GLI3: variants seen among roughly 807,000 people sequenced by gnomAD.
GLI3 encodes the protein GLI family zinc finger 3, also known as transcription activator GLI3.
GLI3 carries 20 observed loss-of-function variants against 100.8 expected under a neutral mutation model. The ratio of observed to expected loss-of-function variants is 0.20; its 90% CI spans 0.14 to 0.29. The LOEUF (loss-of-function observed/expected upper bound fraction) is 0.29, where lower values mean the gene tolerates loss of function less well. GLI3 is among the 10% of genes least tolerant of loss of function. The probability of loss-of-function intolerance (pLI) is 1.00; values close to 1 mark genes in which losing one functional copy is unlikely to be tolerated. For missense variants in GLI3, 2,040 were observed against 2,128.5 expected (o/e 0.96, Z 0.82); for synonymous variants, 938 against 860.5 (o/e 1.09, Z -1.58).
chr7:42,236,270 A>T (rs1327405456), intron 1 of GLI3, among the ~76,000 whole-genome samples: 1 of 152,118 alleles, frequency 6.6e-6, no homozygotes, highest in Non-Finnish European at 1.5e-5. Context: ...CTCTGTGTAA[A>T]CGCGGCACCT....
At chr7:42,029,994 T>C (rs930754900) in intron 7 of GLI3, among the ~76,000 whole-genome samples, 27 of 152,194 alleles carry the variant, frequency 1.8e-4, no homozygotes, top group Non-Finnish European at 4.4e-5. Context: ...TAGTTCCCTG[T>C]TGCTGCTGCA....
intron 1 of GLI3, among the ~76,000 whole-genome samples, chr7:42,228,748 A>G (rs1044626817): frequency 2.0e-5 from 3 of 152,156 alleles, no homozygotes; most frequent in African/African-American, 7.2e-5. Flanking sequence ...CGTCGAATTC[A>G]CCTTCTATGA....
At chr7:42,174,521 G>A (rs1029704753) in intron 2 of GLI3, among the ~76,000 whole-genome samples, 12 of 152,130 alleles carry the variant, frequency 7.9e-5, no homozygotes, top group African/African-American at 2.7e-4. Flanking sequence ...TAAAAGCTCC[G>A]TGTTGTTAAC....
chr7:42,096,953 C>G (rs977855744), intron 3 of GLI3, among the ~76,000 whole-genome samples: 1 of 152,220 alleles, frequency 6.6e-6, no homozygotes, highest in Admixed American at 6.5e-5. Context: ...GCTGCGGTTG[C>G]TCTGCGGCCA....
At chr7:42,161,992 G>A (rs1333114643) in intron 2 of GLI3, among the ~76,000 whole-genome samples, 1 of 152,176 alleles carries the variant, frequency 6.6e-6, no homozygotes, top group African/African-American at 2.4e-5. Flanking sequence ...CAAGGGCTCC[G>A]TGTGTCCCAG....
intron 2 of GLI3, among the ~76,000 whole-genome samples, chr7:42,217,422 T>C (rs1788399879): frequency 6.6e-6 from 1 of 152,150 alleles, no homozygotes. Flanking sequence ...AGTTAGTTGG[T>C]TTAGAAACAT....
intron 10 of GLI3, among the ~76,000 whole-genome samples, chr7:41,996,421 C>G (rs535421324): frequency 6.6e-6 from 1 of 152,274 alleles, no homozygotes; most frequent in Admixed American, 6.5e-5. Flanking sequence ...ATGCTCAACA[C>G]AGAGAATTCC....
chr7:42,089,914 G>T (rs1785181848), intron 3 of GLI3, among the ~76,000 whole-genome samples: 1 of 152,112 alleles, frequency 6.6e-6, no homozygotes, highest in African/African-American at 2.4e-5. Flanking sequence ...AGATGATTGT[G>T]TCATTGTGTG....
chr7:42,181,817 G>A (rs1780677872), intron 2 of GLI3, among the ~76,000 whole-genome samples: 1 of 152,090 alleles, frequency 6.6e-6, no homozygotes. Context: ...AAGGAACAAG[G>A]TCTCATACAT....
At chr7:42,223,843 G>A (rs543688654) in intron 1 of GLI3, among the ~76,000 whole-genome samples, 2 of 152,326 alleles carry the variant, frequency 1.3e-5, no homozygotes, top group South Asian at 4.1e-4. Flanking sequence ...AAAGATATCT[G>A]AATTGCAATA....
upstream of GLI3, among the ~76,000 whole-genome samples, chr7:42,240,490 A>C (rs973092519): frequency 3.9e-5 from 6 of 152,210 alleles, no homozygotes; most frequent in African/African-American, 1.4e-4. Context: ...TGAAACCTGG[A>C]AAAGAAATTT....
chr7:42,253,402 G>C (rs1333885130), intron 1 of GLI3, among the ~76,000 whole-genome samples: 1 of 152,162 alleles, frequency 6.6e-6, no homozygotes. Context: ...CCTCCTCCTG[G>C]GATGGGGATA....
chr7:42,215,966 A>T (rs1394110717), intron 2 of GLI3, among the ~76,000 whole-genome samples: 1 of 152,204 alleles, frequency 6.6e-6, no homozygotes, highest in Non-Finnish European at 1.5e-5. Context: ...AAGGAGTGAG[A>T]TGAAATGCAT....
intron 2 of GLI3, among the ~76,000 whole-genome samples, chr7:42,183,957 G>A (rs543922675): frequency 6.6e-6 from 1 of 152,284 alleles, no homozygotes; most frequent in African/African-American, 2.4e-5. Context: ...CCTCAGGTTG[G>A]GTCCCCAGCT....
chr7:42,131,120 TC>T (rs540062932), intron 3 of GLI3, among the ~76,000 whole-genome samples: 1 of 152,314 alleles, frequency 6.6e-6, no homozygotes, highest in East Asian at 1.9e-4. Flanking sequence ...CTTGATGTAT[TC>T]CAATAAAATA....
At chr7:42,264,051 G>A (rs532244761) in exon 1 of GLI3, among the ~76,000 whole-genome samples, 3 of 152,196 alleles carry the variant, frequency 2.0e-5, no homozygotes, top group Non-Finnish European at 2.9e-5. Flanking sequence ...TGTGTTGGCT[G>A]TCTCGTCATG....
intron 2 of GLI3, 33 bp downstream of exon 2, chr7:42,223,097 G>A (rs1455440191): frequency 1.2e-6 from 2 of 1,612,410 alleles, no homozygotes; most frequent in Non-Finnish European, 1.7e-6. Flanking sequence ...AATGACTCCA[G>A]GCTGGGCTGC....
intron 10 of GLI3, among the ~76,000 whole-genome samples, chr7:42,007,222 TA>T (rs35750462): frequency 0.35 from 43,237 of 122,568 alleles, 8,515 homozygotes; most frequent in Admixed American, 0.54. Context: ...GGAGGAAATT[TA>T]AAAAAAAAAA....
chr7:41,989,113 TC>T (rs1787909262), intron 10 of GLI3, among the ~76,000 whole-genome samples: 1 of 152,212 alleles, frequency 6.6e-6, no homozygotes. Context: ...ACCAGTAAAC[TC>T]TTCTTAAGCA....
Sources: allele counts gnomAD v4.1 joint callset (sites outside exome capture counted in the v4.1 genomes callset), GRCh38; gene constraint gnomAD v4.1.1; transcripts MANE v1.5; gene names NCBI Gene and HGNC (gene_info 2026-07-23, HGNC 2026-07-21).